The following PRKG1 variants were observed in gnomAD, a reference collection of about 807,000 sequenced individuals.
The protein encoded by PRKG1 is cGMP-dependent protein kinase 1.
Under a neutral mutation model 88.1 loss-of-function variants are expected in PRKG1, and 35 were observed. That is an observed-to-expected ratio of 0.40 (90% CI 0.30 to 0.53). PRKG1 has a LOEUF of 0.53. Among genes scored for constraint, PRKG1 ranks in the 20% least tolerant of loss-of-function variants. The pLI, the probability that PRKG1 is intolerant of heterozygous loss-of-function variation, is 0.59. For synonymous variants in PRKG1, 303 were observed against 292.5 expected (o/e 1.04, Z -0.37); for missense variants, 540 against 839.8 (o/e 0.64, Z 4.41).
At chr10:51,789,953 A>T (rs1589288911) in intron 3 of PRKG1, among the ~76,000 whole-genome samples, 1 of 151,630 alleles carries the variant, frequency 6.6e-6, no homozygotes, top group African/African-American at 2.4e-5. Context: ...TCCCAAGTAG[A>T]TGGGATTACA....
chr10:51,798,385 G>T (rs1480262168), intron 3 of PRKG1, among the ~76,000 whole-genome samples: 2 of 151,942 alleles, frequency 1.3e-5, no homozygotes, highest in African/African-American at 4.8e-5. Flanking sequence ...ATTTTGATTG[G>T]CATTACCCTA....
intron 2 of PRKG1, among the ~76,000 whole-genome samples, chr10:51,388,931 C>T (rs1466739764): frequency 6.6e-6 from 1 of 152,204 alleles, no homozygotes; most frequent in Non-Finnish European, 1.5e-5. Flanking sequence ...CAACTGACAG[C>T]AGATCTAATG....
intron 2 of PRKG1, among the ~76,000 whole-genome samples, chr10:51,277,310 C>T (rs1016673379): frequency 5.9e-5 from 9 of 152,114 alleles, no homozygotes; most frequent in Non-Finnish European, 1.0e-4. Context: ...TGTTCTGTTC[C>T]ATTGGTCTAT....
chr10:51,788,350 T>A (rs1268189810), intron 3 of PRKG1, among the ~76,000 whole-genome samples: 2 of 152,082 alleles, frequency 1.3e-5, no homozygotes, highest in Non-Finnish European at 2.9e-5. Flanking sequence ...ACTAGAAAAA[T>A]CACAAGAAGG....
chr10:51,920,432 C>A (rs1842439641), intron 5 of PRKG1, among the ~76,000 whole-genome samples: 1 of 152,152 alleles, frequency 6.6e-6, no homozygotes, highest in Admixed American at 6.6e-5. Context: ...GCCGATTTCC[C>A]AGTTACAGTT....
intron 2 of PRKG1, among the ~76,000 whole-genome samples, chr10:51,275,871 GGAAA>G (rs1306230168): frequency 1.3e-5 from 2 of 151,514 alleles, no homozygotes; most frequent in East Asian, 3.9e-4. Flanking sequence ...GGCCCAGAAA[GGAAA>G]GAAAGAATAT....
chr10:51,770,789 A>C (rs962299956), intron 3 of PRKG1, among the ~76,000 whole-genome samples: 20 of 152,162 alleles, frequency 1.3e-4, no homozygotes, highest in African/African-American at 4.8e-4. Context: ...TCTTCCAGGA[A>C]AGTGGTCCCC....
rs896491428 is a variant in PRKG1 at position 51,612,175 on chromosome 10, A to G, written c.592+144339A>G. 2.0e-5 allele frequency among the ~76,000 whole-genome samples: 3 copies of G among 152,216 alleles called. No homozygotes were observed. The East Asian group carries it at 5.8e-4, about 29-fold the overall frequency. On this transcript the variant is annotated intron_variant, in intron 3 of 17. Coordinates refer to ENST00000373980, the MANE Select transcript of PRKG1 (RefSeq NM_006258.4). ...AGATTATTTTGTTTATTTCTGACAA[A>G]AATGACATTAGTATTTTCATAGGGA...
intron 5 of PRKG1, among the ~76,000 whole-genome samples, chr10:52,023,722 A>G (rs1454493625): frequency 6.6e-6 from 1 of 152,146 alleles, no homozygotes; most frequent in Admixed American, 6.5e-5. Flanking sequence ...TTCTTTTGAG[A>G]AGTGTCTGTT....
chr10:51,954,631 C>T (rs10740402), intron 5 of PRKG1, among the ~76,000 whole-genome samples: 66,992 of 151,970 alleles, frequency 0.44, 16,136 homozygotes, highest in East Asian at 0.65. Context: ...CATAGACGCC[C>T]ACTTTCTCAG....
At chr10:51,387,380 A>C (rs1459611622) in intron 2 of PRKG1, among the ~76,000 whole-genome samples, 1 of 149,994 alleles carries the variant, frequency 6.7e-6, no homozygotes, top group East Asian at 1.9e-4. Flanking sequence ...AAATAAACTT[A>C]ATATATATAT....
intron 1 of PRKG1, among the ~76,000 whole-genome samples, chr10:51,007,803 G>A (rs1404706691): frequency 6.6e-6 from 1 of 152,232 alleles, no homozygotes; most frequent in African/African-American, 2.4e-5. Flanking sequence ...AGGAATTTTA[G>A]TTGAGATATA....
intron 3 of PRKG1, among the ~76,000 whole-genome samples, chr10:51,722,349 A>T (rs947243321): frequency 1.3e-5 from 2 of 152,010 alleles, no homozygotes; most frequent in African/African-American, 4.8e-5. Flanking sequence ...TTTACCTTCT[A>T]TTTGCATGAC....
chr10:51,560,997 A>G (rs1268854050), intron 3 of PRKG1, among the ~76,000 whole-genome samples: 1 of 151,960 alleles, frequency 6.6e-6, no homozygotes, highest in Non-Finnish European at 1.5e-5. Flanking sequence ...CTGTAATCCT[A>G]GTGATTTGGG....
intron 3 of PRKG1, among the ~76,000 whole-genome samples, chr10:51,801,688 G>T (rs745854455): frequency 9.2e-5 from 14 of 151,996 alleles, no homozygotes; most frequent in Admixed American, 1.3e-4. Context: ...CCAGATTTGT[G>T]GTCTCTTAGT....
chr10:51,413,103 T>A (rs1462588916), intron 2 of PRKG1, among the ~76,000 whole-genome samples: 1 of 152,218 alleles, frequency 6.6e-6, no homozygotes, highest in Non-Finnish European at 1.5e-5. Context: ...GTGAGAAATG[T>A]TAAGATTGTT....
At chr10:52,293,774 C>T (rs1023010227) in intron 17 of PRKG1, 28 bp from the exon 18 acceptor site, 2 of 1,573,460 alleles carry the variant, frequency 1.3e-6, no homozygotes, top group East Asian at 2.2e-5. Context: ...AAAAAATCCA[C>T]TAAAAAAAAC....
rs1564550814 is a variant in PRKG1, at chr10:52,296,303, T to G, written c.*2403T>G. 6.6e-6 allele frequency: 1 copy of G among 152,084 alleles called. No homozygotes were observed. The highest frequency in any genetic ancestry group is 6.6e-5 in the Admixed American group (1 of 15,260). 9.4% of individuals were successfully genotyped at this position (152,084 alleles called of 1,614,324 possible). ...TTCAATGGAGAAGGAAGAAGTAGCA[T>G]TCAGCACAAGAAACTGTAGATTGTT... On this transcript the variant is annotated 3_prime_UTR_variant, in exon 18 of 18. Transcript: ENST00000373980.
intron 7 of PRKG1, among the ~76,000 whole-genome samples, chr10:52,127,553 G>T (rs557241156): frequency 6.6e-6 from 1 of 152,222 alleles, no homozygotes; most frequent in Non-Finnish European, 1.5e-5. Flanking sequence ...AATTGAGAAG[G>T]TGGTGTCAGA....
Sources: gnomAD v4.1 joint callset for allele counts (sites outside exome capture counted in the v4.1 genomes callset) on GRCh38, gnomAD v4.1.1 for gene constraint, MANE v1.5 for transcripts, NCBI Gene and HGNC (gene_info 2026-07-23, HGNC 2026-07-21) for gene names.